LRRK2: variants seen among roughly 807,000 people sequenced by gnomAD.
The protein encoded by LRRK2 is leucine rich repeat kinase 2.
LRRK2 carries 203 observed loss-of-function variants against 302.6 expected under a neutral mutation model. The ratio of observed to expected loss-of-function variants is 0.67; its 90% CI spans 0.60 to 0.75. The LOEUF is 0.75. Ranked by LOEUF, LRRK2 falls within the 30% of genes least tolerant of loss-of-function variation. The probability of loss-of-function intolerance (pLI) is 0.00; values close to 1 mark genes in which losing one functional copy is unlikely to be tolerated. For missense variants in LRRK2, 2,830 were observed against 2,951.0 expected (o/e 0.96, Z 0.95); for synonymous variants, 1,066 against 1,031.9 (o/e 1.03, Z -0.63).
At chr12:40,332,278 A>G (rs1050761515) in intron 39 of LRRK2, among the ~76,000 whole-genome samples, 2 of 152,204 alleles carry the variant, frequency 1.3e-5, no homozygotes, top group African/African-American at 2.4e-5. Context: ...TGAGTAACTC[A>G]GTACTCTAAG....
At chr12:40,353,122 C>T (rs948612092) in intron 44 of LRRK2, among the ~76,000 whole-genome samples, 4 of 150,936 alleles carry the variant, frequency 2.7e-5, no homozygotes, top group Admixed American at 6.6e-5. Context: ...GGCTGCCCAG[C>T]GGAGACGCTC....
chr12:40,249,895 C>T lies in LRRK2; in HGVS notation c.908C>T (p.Pro303Leu), dbSNP rs1318255701. 1 of 1,613,840 alleles carries T rather than the reference C, an allele frequency of 6.2e-7. No homozygotes were observed. The highest frequency in any genetic ancestry group is 1.7e-5 in the Admixed American group (1 of 60,012). Residue 303 changes from proline to leucine, a missense_variant, in exon 8 of 51, where the codon CCA becomes CTA. Physicochemically the swap from Pro to Leu is moderately conservative, Grantham distance 98. This residue lies in a region of LRRK2 where 2,121 missense variants were observed against 2,148.0 expected (regional missense o/e 0.99). Coordinates refer to ENST00000298910, the MANE Select transcript of LRRK2 (RefSeq NM_198578.4). ...EFVVKAVQQYPENAALQISAL... is the reference protein window; with the variant it reads ...EFVVKAVQQYLENAALQISAL... Reference sequence around the variant, plus strand: ...GTGGTGAAAGCTGTGCAGCAGTACCCAGAGAATGCAGCATTGCAGATCTCA... The same window carrying T: ...GTGGTGAAAGCTGTGCAGCAGTACCTAGAGAATGCAGCATTGCAGATCTCA...
Position 40,314,026 on chromosome 12 carries a change from G to C in LRRK2, c.4591G>C (p.Glu1531Gln), listed in dbSNP as rs761519932. ...GATTCCAGACTGCTATGTAGAACTT[G>C]AAAAAATCATTTTATCGGAGCGTAA... ...QLIPDCYVEL[E>Q]KIILSERKNV... The change falls in exon 32 of 51, where the codon GAA becomes CAA. Residue 1531 changes from glutamate to glutamine, a missense_variant. This residue lies in a region of LRRK2 where 2,121 missense variants were observed against 2,148.0 expected (regional missense o/e 0.99). Coordinates refer to ENST00000298910, the MANE Select transcript of LRRK2 (RefSeq NM_198578.4). 2.5e-6 allele frequency: 4 copies of C among 1,612,338 alleles called. No individual in the cohort carries two copies. Among genetic ancestry groups the C allele is most frequent in the Non-Finnish European group, 2.5e-6 (3 of 1,178,892 alleles).
In LRRK2 at chr12:40,283,963, T is replaced by C; in HGVS notation, c.2330T>C (p.Ile777Thr). Residue 777 changes from isoleucine (I) to threonine (T), a missense_variant, in exon 19 of 51, where the codon ATA becomes ACA. This residue lies in a region of LRRK2 where 2,121 missense variants were observed against 2,148.0 expected (regional missense o/e 0.99). Coordinates refer to ENST00000298910, the MANE Select transcript of LRRK2 (RefSeq NM_198578.4). Reference protein sequence around the residue: ...REQDVRKALTISIGKGDSQII... With the variant: ...REQDVRKALTTSIGKGDSQII... The stretch of plus-strand genomic sequence containing the variant: ...CAAGATGTACGAAAAGCGTTGACGA[T>C]AAGCATTGGGAAAGGTGACAGCCAG... 6.2e-7 allele frequency: 1 copy of C among 1,613,980 alleles called. No homozygotes were observed.
chr12:40,234,623 C>T (rs188032726), intron 3 of LRRK2, among the ~76,000 whole-genome samples: 9 of 151,962 alleles, frequency 5.9e-5, no homozygotes, highest in East Asian at 5.8e-4. Flanking sequence ...ATGATCCCCC[C>T]GCCTCGGCGT....
At position 40,351,664 on chromosome 12, in the gene LRRK2, G is replaced by A; in HGVS notation, c.6507G>A (p.Leu2169=). 1.2e-6 allele frequency: 2 copies of A among 1,614,142 alleles called. No homozygotes were observed. The highest frequency in any genetic ancestry group is 2.2e-5 in the South Asian group (2 of 91,070). ...HHNSRNASIW[L]GCGHTDRGQL... ...ACAGCAGGAATGCAAGCATTTGGCT[G>A]GGCTGTGGGCACACCGACAGAGGAC... Residue 2169 remains leucine (L), a synonymous_variant, in exon 44 of 51, where the codon CTG becomes CTA. Coordinates refer to ENST00000298910, the MANE Select transcript of LRRK2 (RefSeq NM_198578.4).
chr12:40,298,227 A>G lies in LRRK2; in HGVS notation c.3097-16A>G. ...CAGATGGTTCACTTTAGAATTTTAA[A>G]CTATTGTCTTTTCAGACTCTGAAGA... On this transcript the variant is annotated splice_polypyrimidine_tract_variant and intron_variant, in intron 23 of 50. Transcript: ENST00000298910. The G allele has an allele frequency of 1.2e-6, 2 of 1,611,886 alleles. No homozygotes were observed. The highest frequency in any genetic ancestry group is 1.7e-6 in the Non-Finnish European group (2 of 1,179,664).
At chr12:40,311,874 T>A (rs1945047509) in intron 31 of LRRK2, among the ~76,000 whole-genome samples, 1 of 152,146 alleles carries the variant, frequency 6.6e-6, no homozygotes, top group Admixed American at 6.6e-5. Context: ...TTTCCTATTC[T>A]CTTGTTGGAC....
chr12:40,341,088 C>A (rs1315312450), intron 41 of LRRK2, among the ~76,000 whole-genome samples: 4 of 152,184 alleles, frequency 2.6e-5, no homozygotes, highest in African/African-American at 9.7e-5. Flanking sequence ...AGTTCCCAAT[C>A]CTGAAAAGCA....
intron 16 of LRRK2, among the ~76,000 whole-genome samples, chr12:40,276,576 A>C (rs1306203695): frequency 6.6e-6 from 1 of 152,166 alleles, no homozygotes; most frequent in Non-Finnish European, 1.5e-5. Flanking sequence ...GATTACAGGC[A>C]TGAGCCACTG....
chr12:40,288,053 A>T (rs1036910402), intron 20 of LRRK2, among the ~76,000 whole-genome samples: 8 of 151,924 alleles, frequency 5.3e-5, no homozygotes, highest in Non-Finnish European at 8.8e-5. Flanking sequence ...GGTGAAATAT[A>T]TAATGACAAT....
intron 43 of LRRK2, among the ~76,000 whole-genome samples, chr12:40,350,832 A>C (rs1946327883): frequency 1.3e-5 from 2 of 152,146 alleles, no homozygotes; most frequent in Admixed American, 6.5e-5. Flanking sequence ...TACTTCACCT[A>C]TACTTAACAG....
At chr12:40,288,550 G>A (rs1944018688) in intron 20 of LRRK2, among the ~76,000 whole-genome samples, 1 of 151,746 alleles carries the variant, frequency 6.6e-6, no homozygotes, top group Non-Finnish European at 1.5e-5. Context: ...ATTGTACTAT[G>A]TTCTACCCCC....
At chr12:40,295,852 A>G (rs890929468) in intron 23 of LRRK2, among the ~76,000 whole-genome samples, 15 of 152,302 alleles carry the variant, frequency 9.8e-5, no homozygotes, top group African/African-American at 3.6e-4. Flanking sequence ...AACAGATCTG[A>G]TTAGAAAGGA....
chr12:40,334,410 A>G (rs1945805907), intron 39 of LRRK2, among the ~76,000 whole-genome samples: 1 of 151,602 alleles, frequency 6.6e-6, no homozygotes, highest in Admixed American at 6.6e-5. Flanking sequence ...ATAACTTTTG[A>G]CCTCCCCAAA....
chr12:40,225,053 T>A lies in LRRK2; in HGVS notation c.-79T>A. 6.3e-7 allele frequency: 1 copy of A among 1,581,956 alleles called. No homozygotes were observed. The highest frequency in any genetic ancestry group is 8.6e-7 in the Non-Finnish European group (1 of 1,158,716). ...TGAGCTGAGCTCGCCCCCGGGGAGC[T>A]GTGGCCGGCGCCCCTGCCGGTTCCC... On this transcript the variant is annotated 5_prime_UTR_variant, in exon 1 of 51. Transcript: ENST00000298910.
intron 13 of LRRK2, among the ~76,000 whole-genome samples, chr12:40,260,853 G>A (rs1942739161): frequency 6.6e-6 from 1 of 152,162 alleles, no homozygotes; most frequent in South Asian, 2.1e-4. Flanking sequence ...CCCTAAGTAT[G>A]AGGGATGATA....
chr12:40,226,626 A>G (rs552936854), intron 2 of LRRK2, among the ~76,000 whole-genome samples: 10 of 152,286 alleles, frequency 6.6e-5, no homozygotes, highest in Admixed American at 1.3e-4. Context: ...TTACATCTGG[A>G]AGAAATATTT....
intron 49 of LRRK2, 95 bp downstream of exon 49, chr12:40,365,145 T>C (rs759161257): frequency 4.3e-6 from 5 of 1,159,180 alleles, no homozygotes; most frequent in Middle Eastern, 2.4e-4. Context: ...CTTTCCAGTG[T>C]CATATGGATG....
Sources: gnomAD v4.1 joint callset for allele counts (sites outside exome capture counted in the v4.1 genomes callset) on GRCh38, gnomAD v4.1.1 for gene constraint, gnomAD v4.1.1 regional missense constraint, MANE v1.5 for transcripts, NCBI Gene and HGNC (gene_info 2026-07-23, HGNC 2026-07-21) for gene names.